Variants in GRIP1 observed in about 807,000 individuals in gnomAD.
GRIP1 encodes glutamate receptor-interacting protein 1.
A neutral mutation model predicts 129.9 loss-of-function variants in GRIP1; 45 were observed. The observed-to-expected ratio is 0.35, with a 90% CI of 0.27 to 0.44. The LOEUF (loss-of-function observed/expected upper bound fraction) is 0.44, where lower values mean the gene tolerates loss of function less well. Ranked by LOEUF, GRIP1 falls within the 20% of genes least tolerant of loss-of-function variation. GRIP1 has a pLI of 1.00. For missense variants in GRIP1, 1,196 were observed against 1,396.8 expected, an observed-to-expected ratio of 0.86 and a Z score of 2.29; for synonymous variants, 530 against 520.8, an observed-to-expected ratio of 1.02 and a Z score of -0.24.
intron 9 of GRIP1, among the ~76,000 whole-genome samples, chr12:66,459,403 T>C (rs2059068235): frequency 6.6e-6 from 1 of 152,194 alleles, no homozygotes; most frequent in African/African-American, 2.4e-5. Context: ...AGCGTACTTT[T>C]CACAAAGTAC....
intron 1 of GRIP1, among the ~76,000 whole-genome samples, chr12:66,633,851 G>A (rs191462502): frequency 3.9e-5 from 6 of 152,342 alleles, no homozygotes; most frequent in African/African-American, 1.4e-4. Context: ...GCCAAAGGCA[G>A]TCAAATAACA....
intron 1 of GRIP1, among the ~76,000 whole-genome samples, chr12:66,976,756 A>C (rs2042158492): frequency 6.6e-6 from 1 of 152,178 alleles, no homozygotes. Flanking sequence ...GTCTGGCCAA[A>C]AGAGTATTTC....
chr12:66,815,820 A>ATTTCTTTCTTTCTTTCCTTC (rs1555241752), intron 1 of GRIP1, among the ~76,000 whole-genome samples: 2 of 118,568 alleles, frequency 1.7e-5, no homozygotes, highest in African/African-American at 3.7e-5. Context: ...AAGATGAAAG[A>ATTTCTTTCTTTCTTTCCTTC]TTTCTTTCTT....
intron 1 of GRIP1, chr12:67,069,007 C>T (rs928483162): frequency 2.2e-6 from 2 of 904,928 alleles, no homozygotes; most frequent in Non-Finnish European, 1.3e-6. Context: ...CGGCCCCGGC[C>T]CGGACCCCTG....
intron 1 of GRIP1, among the ~76,000 whole-genome samples, chr12:66,957,375 A>T (rs2041858011): frequency 6.6e-6 from 1 of 151,778 alleles, no homozygotes; most frequent in African/African-American, 2.4e-5. Flanking sequence ...ATTATTGTTA[A>T]CCAGAGGCCA....
chr12:66,541,720 A>T, intron 3 of GRIP1, 95 bp downstream of exon 3: 1 of 1,285,884 alleles, frequency 7.8e-7, no homozygotes, highest in Non-Finnish European at 1.1e-6. Flanking sequence ...GGCAGCTGTC[A>T]TTTATTTATT....
chr12:66,532,088 C>T (rs2061478650), intron 4 of GRIP1, among the ~76,000 whole-genome samples: 1 of 152,184 alleles, frequency 6.6e-6, no homozygotes, highest in Admixed American at 6.5e-5. Context: ...TATAAAGGCT[C>T]TGTATTTTCT....
chr12:66,912,880 G>T (rs1453929429), intron 1 of GRIP1, among the ~76,000 whole-genome samples: 1 of 152,038 alleles, frequency 6.6e-6, no homozygotes, highest in East Asian at 1.9e-4. Flanking sequence ...CTCTACTCAG[G>T]TGTGGCTGTT....
intron 1 of GRIP1, chr12:67,037,445 T>C (rs868266326): frequency 5.9e-5 from 9 of 151,710 alleles, no homozygotes; most frequent in African/African-American, 2.2e-4. Flanking sequence ...CAGGGCATTG[T>C]TTCAAAATGC....
In GRIP1 at chr12:67,066,040, T is replaced by C. The variant is rs2043618715; in HGVS notation, c.58+3010A>G. Among the ~76,000 whole-genome samples, 2 of 152,222 alleles carry C rather than the reference T, an allele frequency of 1.3e-5. 1 individual carries two copies. The highest frequency in any genetic ancestry group is 4.8e-5 in the African/African-American group (2 of 41,458). On this transcript the variant is annotated intron_variant, in intron 1 of 1. Transcript: ENST00000643019. ...TGGAGAAATGTGTTCTGAATTTTAA[T>C]AGTATGTTAGCGTACATGGGTGAGT...
intron 1 of GRIP1, among the ~76,000 whole-genome samples, chr12:66,728,506 C>T (rs776481972): frequency 2.0e-5 from 3 of 152,160 alleles, no homozygotes; most frequent in Admixed American, 6.6e-5. Flanking sequence ...AAGAAGAACA[C>T]GCCCTTTCTC....
chr12:66,732,764 T>C (rs2036479306), intron 1 of GRIP1, among the ~76,000 whole-genome samples: 1 of 152,162 alleles, frequency 6.6e-6, no homozygotes, highest in African/African-American at 2.4e-5. Context: ...AGTAGGCTAT[T>C]AGCAGTTAAG....
chr12:67,003,840 T>A (rs564418610), intron 1 of GRIP1, among the ~76,000 whole-genome samples: 2 of 152,370 alleles, frequency 1.3e-5, no homozygotes, highest in South Asian at 4.1e-4. Flanking sequence ...GCTACTATAA[T>A]AAGTTACCAC....
rs1164272878 is a variant in GRIP1, at chr12:66,392,520, G to A, written c.2270-18C>T. On this transcript the variant is annotated intron_variant, in intron 18 of 24. Coordinates refer to ENST00000359742, the MANE Select transcript of GRIP1 (RefSeq NM_001366722.1). Reference sequence around the variant, plus strand: ...TGACTGGGCTTTATAGACAGGAAAGGAGTTTAAGTATCAGAGTAAATTTAA... The same window carrying A: ...TGACTGGGCTTTATAGACAGGAAAGAAGTTTAAGTATCAGAGTAAATTTAA... The A allele has an allele frequency of 2.5e-6, 4 of 1,609,680 alleles. No homozygotes were observed. The highest frequency in any genetic ancestry group is 3.4e-6 in the Non-Finnish European group (4 of 1,176,026).
At chr12:66,594,718 C>A (rs2063980372) in intron 2 of GRIP1, among the ~76,000 whole-genome samples, 1 of 152,136 alleles carries the variant, frequency 6.6e-6, no homozygotes, top group Non-Finnish European at 1.5e-5. Context: ...TTTACTTGGC[C>A]TTTTCCTCTG....
intron 19 of GRIP1, among the ~76,000 whole-genome samples, chr12:66,386,325 A>G (rs534613873): frequency 1.6e-4 from 24 of 152,252 alleles, no homozygotes; most frequent in African/African-American, 5.3e-4. Context: ...GTGGGTTCAT[A>G]TTCATAAAGT....
chr12:66,954,231 A>G (rs542138544), intron 1 of GRIP1, among the ~76,000 whole-genome samples: 1 of 152,262 alleles, frequency 6.6e-6, no homozygotes, highest in South Asian at 2.1e-4. Context: ...ATTAGGTTCC[A>G]TCTTCTAAGA....
intron 1 of GRIP1, among the ~76,000 whole-genome samples, chr12:66,856,119 G>A (rs2039998694): frequency 6.6e-6 from 1 of 151,990 alleles, no homozygotes; most frequent in African/African-American, 2.4e-5. Flanking sequence ...CAAGAAATGG[G>A]GAAAGGATTC....
At chr12:66,688,799 A>G (rs1347489347) in intron 1 of GRIP1, among the ~76,000 whole-genome samples, 2 of 151,908 alleles carry the variant, frequency 1.3e-5, no homozygotes, top group South Asian at 2.1e-4. Context: ...AAGGCATTTT[A>G]TTTTCCTTCA....
Sources: allele counts gnomAD v4.1 joint callset (sites outside exome capture counted in the v4.1 genomes callset), GRCh38; gene constraint gnomAD v4.1.1; transcripts MANE v1.5; gene names NCBI Gene and HGNC (gene_info 2026-07-23, HGNC 2026-07-21).